LRRFIP1: variants seen among roughly 807,000 people sequenced by gnomAD.
The protein encoded by LRRFIP1 is leucine-rich repeat flightless-interacting protein 1.
A neutral mutation model predicts 104.4 loss-of-function variants in LRRFIP1; 62 were observed. The observed-to-expected ratio is 0.59, with a 90% CI of 0.48 to 0.73. The LOEUF is 0.73. LRRFIP1 is among the 30% of genes least tolerant of loss of function. The probability of loss-of-function intolerance (pLI) is 0.00; values close to 1 mark genes in which losing one functional copy is unlikely to be tolerated. For synonymous variants in LRRFIP1, 300 were observed against 299.0 expected (o/e 1.00, Z -0.03); for missense variants, 796 against 824.5 (o/e 0.97, Z 0.42).
rs1349255536 is a variant in LRRFIP1 at position 237,649,975 on chromosome 2, C to T, written c.96+22235C>T. The stretch of plus-strand genomic sequence containing the variant: ...CCACTGGGCAGATTTTTACTTAGCA[C>T]ATTCCCTGTGCTGGGGACTTCCCCG... On this transcript the variant is annotated intron_variant, in intron 1 of 23. Transcript: ENST00000308482. This position sits in a 1 kb window ranked among gnomAD's most constrained non-coding sequence, Gnocchi z 4.1. Among the ~76,000 whole-genome samples the T allele has an allele frequency of 6.6e-6, 1 of 152,094 alleles. No homozygotes were observed. The highest frequency in any genetic ancestry group is 2.4e-5 in the African/African-American group (1 of 41,458).
At chr2:237,696,799 C>T (rs1013433107) in intron 1 of LRRFIP1, among the ~76,000 whole-genome samples, 1 of 152,208 alleles carries the variant, frequency 6.6e-6, no homozygotes, top group Non-Finnish European at 1.5e-5. Context: ...GTGGCTGCCA[C>T]GGCTGCTGCT....
chr2:237,779,042 C>T (rs2061332654), intron 23 of LRRFIP1, among the ~76,000 whole-genome samples: 1 of 152,066 alleles, frequency 6.6e-6, no homozygotes, highest in Admixed American at 6.5e-5. Context: ...GCCAACATGG[C>T]AAAACCCCGT....
chr2:237,669,503 T>C (rs1393106203), intron 1 of LRRFIP1, among the ~76,000 whole-genome samples: 1 of 152,228 alleles, frequency 6.6e-6, no homozygotes, highest in East Asian at 1.9e-4. Context: ...GTGGATTGCT[T>C]ATTAACCTTT....
chr2:237,716,166 A>G (rs747839567), intron 3 of LRRFIP1, among the ~76,000 whole-genome samples: 1 of 152,258 alleles, frequency 6.6e-6, no homozygotes, highest in Non-Finnish European at 1.5e-5. Flanking sequence ...AAGCCAAAAA[A>G]TAAGGGAGGA....
chr2:237,705,577 T>C (rs1243693055), intron 1 of LRRFIP1, among the ~76,000 whole-genome samples: 1 of 151,386 alleles, frequency 6.6e-6, no homozygotes, highest in African/African-American at 2.4e-5. Flanking sequence ...GGTGGGAGAA[T>C]CACTTGAACC....
At chr2:237,688,679 G>C (rs1010532847) in intron 1 of LRRFIP1, among the ~76,000 whole-genome samples, 1 of 151,844 alleles carries the variant, frequency 6.6e-6, no homozygotes. Flanking sequence ...GGCTGGTCTC[G>C]AACTCCTGGG....
chr2:237,655,778 C>T (rs552604944), intron 1 of LRRFIP1, among the ~76,000 whole-genome samples: 1 of 152,320 alleles, frequency 6.6e-6, no homozygotes, highest in African/African-American at 2.4e-5. Context: ...GAAACCCAAC[C>T]ACATGAACAA....
chr2:237,745,161 C>T (rs546700932), intron 11 of LRRFIP1, among the ~76,000 whole-genome samples: 6 of 152,344 alleles, frequency 3.9e-5, no homozygotes, highest in African/African-American at 1.4e-4. Context: ...GGCTTCTGTC[C>T]GGGCCCGGCC....
chr2:237,705,628 C>T (rs905776736), intron 1 of LRRFIP1, among the ~76,000 whole-genome samples: 3 of 151,590 alleles, frequency 2.0e-5, no homozygotes, highest in Admixed American at 2.0e-4. Context: ...CACGCCACTG[C>T]ACTCCAGCCT....
chr2:237,747,800 G>C (rs937419796), intron 11 of LRRFIP1, among the ~76,000 whole-genome samples: 1 of 151,962 alleles, frequency 6.6e-6, no homozygotes, highest in African/African-American at 2.4e-5. Flanking sequence ...CTCAACCTTG[G>C]TAACCTTCTC....
chr2:237,699,113 C>T (rs73099008), intron 1 of LRRFIP1, among the ~76,000 whole-genome samples: 6,329 of 152,182 alleles, frequency 0.042, 483 homozygotes, highest in African/African-American at 0.15. Context: ...TGCACTGAGA[C>T]CCACACACCA....
At chr2:237,640,317 A>G (rs1469572171) in intron 1 of LRRFIP1, among the ~76,000 whole-genome samples, 1 of 151,962 alleles carries the variant, frequency 6.6e-6, no homozygotes, top group Non-Finnish European at 1.5e-5. Flanking sequence ...GACCGTCTAT[A>G]ACAAGATACC....
At chr2:237,739,447 A>G in intron 11 of LRRFIP1, 138 bp downstream of exon 11, 1 of 809,736 alleles carries the variant, frequency 1.2e-6, no homozygotes, top group Middle Eastern at 2.3e-4. Flanking sequence ...CAACTTTTCA[A>G]GGACCGTAAA....
chr2:237,703,933 C>T lies in LRRFIP1; in HGVS notation c.97-4611C>T, dbSNP rs990884754. On this transcript the variant is annotated intron_variant, in intron 1 of 23. Transcript: ENST00000308482. This position sits in a 1 kb window ranked among gnomAD's most constrained non-coding sequence, Gnocchi z 4.3. Reference sequence around the variant, plus strand: ...TTCAAGCAGTCTGACGTGGCTGTGGCCCGTCATGAGATTTTATATTTTACA... The same window carrying T: ...TTCAAGCAGTCTGACGTGGCTGTGGTCCGTCATGAGATTTTATATTTTACA... Among the ~76,000 whole-genome samples, 1 of 152,030 alleles carries T rather than the reference C, an allele frequency of 6.6e-6. No homozygotes were observed. The highest frequency in any genetic ancestry group is 1.5e-5 in the Non-Finnish European group (1 of 68,008).
intron 1 of LRRFIP1, among the ~76,000 whole-genome samples, chr2:237,690,680 T>C (rs1170656549): frequency 6.8e-6 from 1 of 147,896 alleles, no homozygotes; most frequent in Non-Finnish European, 1.5e-5. Context: ...GAGGTCGCGG[T>C]GAGCCGAGAT....
intron 19 of LRRFIP1, among the ~76,000 whole-genome samples, chr2:237,767,765 G>A (rs1375303808): frequency 6.6e-6 from 1 of 152,078 alleles, no homozygotes; most frequent in African/African-American, 2.4e-5. Context: ...CCCTTTCTGG[G>A]AGACCACCCC....
chr2:237,763,055 G>A (rs760800191), intron 19 of LRRFIP1: 1 of 1,614,198 alleles, frequency 6.2e-7, no homozygotes, highest in Non-Finnish European at 8.5e-7. Flanking sequence ...GCATAGTGAT[G>A]ACACAGTTTA....
At chr2:237,753,616 C>A in intron 15 of LRRFIP1, 137 bp downstream of exon 15, 3 of 608,914 alleles carry the variant, frequency 4.9e-6, no homozygotes, top group Middle Eastern at 4.4e-4. Context: ...GGCAACATGG[C>A]GAGACATCAT....
intron 1 of LRRFIP1, among the ~76,000 whole-genome samples, chr2:237,684,783 G>A (rs1559538929): frequency 6.6e-6 from 1 of 152,072 alleles, no homozygotes; most frequent in Admixed American, 6.6e-5. Flanking sequence ...GCAGTGCATT[G>A]TCTTCATGAA....
Sources: allele counts gnomAD v4.1 joint callset (sites outside exome capture counted in the v4.1 genomes callset), GRCh38; gene constraint gnomAD v4.1.1; non-coding constraint Gnocchi (gnomAD v3.1); transcripts MANE v1.5; gene names NCBI Gene and HGNC (gene_info 2026-07-23, HGNC 2026-07-21).